NDUFA9: variants seen among roughly 807,000 people sequenced by gnomAD.
The protein encoded by NDUFA9 is NADH:ubiquinone oxidoreductase subunit A9.
In NDUFA9, 23 loss-of-function variants were observed where a neutral mutation model predicts 45.9. The ratio of observed to expected loss-of-function variants is 0.50; its 90% confidence interval spans 0.36 to 0.71. The LOEUF is 0.71. NDUFA9 is among the 30% of genes least tolerant of loss of function. The probability of loss-of-function intolerance (pLI) is 0.00; values close to 1 mark genes in which losing one functional copy is unlikely to be tolerated. For synonymous variants in NDUFA9, 176 were observed against 170.5 expected, an observed-to-expected ratio of 1.03 and a Z score of -0.25; for missense variants, 466 against 488.2, an observed-to-expected ratio of 0.95 and a Z score of 0.43.
At chr12:4,663,313 G>A (rs1945834471) in intron 6 of NDUFA9, among the ~76,000 whole-genome samples, 1 of 151,986 alleles carries the variant, frequency 6.6e-6, no homozygotes, top group Admixed American at 6.6e-5. Flanking sequence ...AAAAAATTGT[G>A]GCAAAATATA....
At chr12:4,665,746 G>GTTTTTTTTTTTTTTTTTTTTTTTCTTT (rs10657164) in intron 6 of NDUFA9, among the ~76,000 whole-genome samples, 1 of 143,910 alleles carries the variant, frequency 6.9e-6, no homozygotes. Context: ...GTTATTTTCT[G>GTTTTTTTTTTTTTTTTTTTTTTTCTTT]TTTTTTTTTT....
At chr12:4,649,300 T>G in intron 1 of NDUFA9, 125 bp downstream of exon 1, 1 of 1,122,240 alleles carries the variant, frequency 8.9e-7, no homozygotes, top group African/African-American at 1.6e-5. Context: ...TTCTCTAGGT[T>G]TGGAGCTGCC....
chr12:4,684,059 C>G (rs1166706471), intron 9 of NDUFA9, among the ~76,000 whole-genome samples: 1 of 152,202 alleles, frequency 6.6e-6, no homozygotes, highest in African/African-American at 2.4e-5. Context: ...ATGCCCATGA[C>G]ATGGCCCACT....
chr12:4,677,850 A>G (rs1410153414), intron 8 of NDUFA9, among the ~76,000 whole-genome samples: 1 of 152,174 alleles, frequency 6.6e-6, no homozygotes, highest in Non-Finnish European at 1.5e-5. Context: ...TATGTTTATT[A>G]CGGCACTGTT....
chr12:4,655,132 G>T (rs1207410047), intron 3 of NDUFA9: 1 of 508,622 alleles, frequency 2.0e-6, no homozygotes, highest in East Asian at 3.2e-5. Context: ...TCTTTGAAGG[G>T]ACAGAGAGTA....
intron 9 of NDUFA9, among the ~76,000 whole-genome samples, chr12:4,684,445 C>A (rs1188755371): frequency 3.3e-5 from 5 of 152,134 alleles, no homozygotes; most frequent in African/African-American, 1.2e-4. Context: ...GGGGCCCCAG[C>A]AAATTCCTAG....
At chr12:4,653,729 G>A (rs1308924860) in intron 1 of NDUFA9, 5 of 357,510 alleles carry the variant, frequency 1.4e-5, no homozygotes, top group African/African-American at 1.2e-4. Flanking sequence ...TTAATGTTCT[G>A]TACTAATAAT....
At chr12:4,675,323 G>GA (rs1319510719) in intron 8 of NDUFA9, among the ~76,000 whole-genome samples, 2 of 152,040 alleles carry the variant, frequency 1.3e-5, no homozygotes, top group Non-Finnish European at 2.9e-5. Flanking sequence ...GATCAGAGCA[G>GA]AACCGAAGGA....
At chr12:4,679,933 G>A (rs1945942805) in intron 8 of NDUFA9, among the ~76,000 whole-genome samples, 1 of 152,190 alleles carries the variant, frequency 6.6e-6, no homozygotes, top group Admixed American at 6.5e-5. Context: ...GAATTGAGAG[G>A]AGTTGGATAC....
intron 8 of NDUFA9, among the ~76,000 whole-genome samples, chr12:4,680,741 T>C (rs892111971): frequency 2.6e-5 from 4 of 152,210 alleles, no homozygotes; most frequent in Admixed American, 2.0e-4. Flanking sequence ...TAGTTTCATG[T>C]TTTTTAGTAA....
chr12:4,668,184 G>A (rs1329729661), intron 6 of NDUFA9, among the ~76,000 whole-genome samples: 5 of 152,178 alleles, frequency 3.3e-5, no homozygotes, highest in East Asian at 3.8e-4. Context: ...TGGTCGTAGC[G>A]ATGCATTTAG....
Position 4,692,144 on chromosome 12 carries a change from T to G in NDUFA9, c.*5036T>G, listed in dbSNP as rs1215460410. The G allele has an allele frequency of 6.6e-6, 1 of 152,210 alleles. No individual in the cohort carries two copies. Among genetic ancestry groups the G allele is most frequent in the Non-Finnish European group, 1.5e-5 (1 of 68,042 alleles). The allele number at this position is 152,210 out of a possible 1,614,324, so 9.4% of individuals were successfully genotyped here. On this transcript the variant is annotated 3_prime_UTR_variant, in exon 11 of 11. Transcript: ENST00000266544. ...TCTAAGGGAAGTCAGGTGCCTAATA[T>G]TGGTGATGTGGTTTGGATGTCCCCA...
chr12:4,684,235 G>T (rs1457430289), intron 9 of NDUFA9, among the ~76,000 whole-genome samples: 3 of 152,180 alleles, frequency 2.0e-5, no homozygotes, highest in African/African-American at 7.2e-5. Context: ...AGAAATTCCA[G>T]CCAGCTTCCT....
At chr12:4,660,576 A>G (rs1324231122) in intron 5 of NDUFA9, among the ~76,000 whole-genome samples, 1 of 152,074 alleles carries the variant, frequency 6.6e-6, no homozygotes, top group African/African-American at 2.4e-5. Flanking sequence ...TGGGCCCAGA[A>G]CATACCAATG....
Position 4,654,971 on chromosome 12 carries a change from G to A in NDUFA9, c.318+49G>A, listed in dbSNP as rs4147672. On this transcript the variant is annotated intron_variant, in intron 3 of 10. Coordinates refer to ENST00000266544, the MANE Select transcript of NDUFA9 (RefSeq NM_005002.5). Reference sequence around the variant, plus strand: ...AAGTTGACAAATATAAATTACTAAGGTCATTTTTAGGAGTGATAGGCAGTA... The same window carrying A: ...AAGTTGACAAATATAAATTACTAAGATCATTTTTAGGAGTGATAGGCAGTA... The A allele has an allele frequency of 0.26, 384,383 of 1,473,734 alleles. 51,859 individuals are homozygous for A. The highest frequency in any genetic ancestry group is 0.37 in the Middle Eastern group (2,128 of 5,702). The allele number at this position is 1,473,734 out of a possible 1,614,324, so 91.3% of individuals were successfully genotyped here.
At chr12:4,678,751 C>T (rs564037586) in intron 8 of NDUFA9, among the ~76,000 whole-genome samples, 11 of 152,024 alleles carry the variant, frequency 7.2e-5, no homozygotes, top group Non-Finnish European at 1.6e-4. Context: ...TTATGAGATA[C>T]CAGTTCACAG....
At position 4,687,113 on chromosome 12, in the gene NDUFA9, T is replaced by G; in HGVS notation, c.*5T>G. On this transcript the variant is annotated 3_prime_UTR_variant, in exon 11 of 11. Coordinates refer to ENST00000266544, the MANE Select transcript of NDUFA9 (RefSeq NM_005002.5). Reference sequence around the variant, plus strand: ...GCCAAGACCGTCAACATTTAGTGCCTCCTGAGCAGCTCTTGGTTTTGGCGT... The same window carrying G: ...GCCAAGACCGTCAACATTTAGTGCCGCCTGAGCAGCTCTTGGTTTTGGCGT... The G allele has an allele frequency of 6.2e-7, 1 of 1,613,918 alleles. No homozygotes were observed. Among genetic ancestry groups the G allele is most frequent in the Non-Finnish European group, 8.5e-7 (1 of 1,179,904 alleles).
intron 5 of NDUFA9, 131 bp downstream of exon 5, chr12:4,659,308 C>A: frequency 1.3e-6 from 1 of 775,880 alleles, no homozygotes; most frequent in Non-Finnish European, 2.0e-6. Flanking sequence ...TTCCCTGCAT[C>A]CAGAACTAGG....
chr12:4,686,875 T>C (rs1945989660), intron 10 of NDUFA9, 63 bp from the exon 11 acceptor site: 1 of 1,500,114 alleles, frequency 6.7e-7, no homozygotes, highest in South Asian at 1.2e-5. Context: ...AAGTGCCTGC[T>C]AGGATAGCAC....
Sources: allele counts gnomAD v4.1 joint callset (sites outside exome capture counted in the v4.1 genomes callset), GRCh38; gene constraint gnomAD v4.1.1; transcripts MANE v1.5; gene names NCBI Gene and HGNC (gene_info 2026-07-23, HGNC 2026-07-21).